The following CLK3 variants were observed in gnomAD, a reference collection of about 807,000 sequenced individuals.
The protein encoded by CLK3 is dual specificity protein kinase CLK3.
Under a neutral mutation model 65.2 loss-of-function variants are expected in CLK3, and 24 were observed. The observed-to-expected ratio is 0.37, with a 90% CI of 0.27 to 0.52. The LOEUF (loss-of-function observed/expected upper bound fraction) is 0.52. Among genes scored for constraint, CLK3 ranks in the 20% least tolerant of loss-of-function variants. CLK3 has a pLI of 0.92. For synonymous variants in CLK3, 252 were observed against 240.8 expected (o/e 1.05, Z -0.43); for missense variants, 506 against 660.0 (o/e 0.77, Z 2.56).
intron 1 of CLK3, among the ~76,000 whole-genome samples, chr15:74,618,364 G>A (rs1463969681): frequency 1.3e-5 from 2 of 152,156 alleles, no homozygotes; most frequent in Non-Finnish European, 2.9e-5. Context: ...TCTTTTACCT[G>A]CCAGATGGCT....
Position 74,628,006 on chromosome 15 carries a change from T to C in CLK3, c.1079T>C (p.Ile360Thr), listed in dbSNP as rs1469988789. 2 of 1,613,980 alleles carry C rather than the reference T, an allele frequency of 1.2e-6. No individual in the cohort carries two copies. Among genetic ancestry groups the C allele is most frequent in the African/African-American group, 1.3e-5 (1 of 75,044 alleles). Residue 360 changes from isoleucine to threonine, a missense_variant, in exon 10 of 13, where the codon ATT becomes ACT. Physicochemically the swap from Ile to Thr is moderately conservative, Grantham distance 89 (BLOSUM62 -1). Around this residue, in one of 2 missense-constraint regions of CLK3, gnomAD observed 325 missense variants for 500.5 expected, o/e 0.65. Coordinates refer to ENST00000395066, the MANE Select transcript of CLK3 (RefSeq NM_001130028.2). ...GCACAGCCCTGTGACGTCTGGAGCATTGGCTGCATTCTCTTTGAGTACTAC... is the reference window on the plus strand; with the variant it reads ...GCACAGCCCTGTGACGTCTGGAGCACTGGCTGCATTCTCTTTGAGTACTAC... ...GWAQPCDVWS[I>T]GCILFEYYRG...
At chr15:74,628,724 CTT>C in intron 11 of CLK3, 41 bp downstream of exon 11, 1 of 1,513,780 alleles carries the variant, frequency 6.6e-7, no homozygotes, top group East Asian at 2.3e-5. Flanking sequence ...GTATAGAGGC[CTT>C]TCTCTTCTTG....
In CLK3 at chr15:74,624,837, G is replaced by A. The variant is rs149154451; in HGVS notation, c.534-65G>A. 868 of 1,197,956 alleles carry A rather than the reference G, an allele frequency of 7.2e-4. 8 individuals carry two copies. In the African/African-American group the frequency reaches 0.011, roughly 15 times the overall value. The allele number at this position is 1,197,956 out of a possible 1,614,324, so 74.2% of individuals were successfully genotyped here. ...GTTTGTTGGGAGTTGCTGGGTTGGG[G>A]TGGAGGGTTGGGGAAGGACTGGGCA... On this transcript the variant is annotated intron_variant, in intron 5 of 12. Transcript: ENST00000395066. This position sits in a 1 kb window ranked among gnomAD's most constrained non-coding sequence, Gnocchi z 4.2.
Position 74,629,905 on chromosome 15 carries a change from G to A in CLK3, c.*22G>A, listed in dbSNP as rs1379112707. Reference sequence around the variant, plus strand: ...ATGACAGGCACAGGCCACCGCATGAGGAGATGGAGGGCGGGACTGGGCCGC... The same window carrying A: ...ATGACAGGCACAGGCCACCGCATGAAGAGATGGAGGGCGGGACTGGGCCGC... On this transcript the variant is annotated 3_prime_UTR_variant, in exon 13 of 13. Transcript: ENST00000395066. 5 of 1,593,354 alleles carry A rather than the reference G, an allele frequency of 3.1e-6. No individual in the cohort carries two copies. Among genetic ancestry groups the A allele is most frequent in the Non-Finnish European group, 4.3e-6 (5 of 1,170,110 alleles).
At chr15:74,628,857 T>C (rs1395786417) in intron 11 of CLK3, 85 bp from the exon 12 acceptor site, 4 of 1,102,324 alleles carry the variant, frequency 3.6e-6, no homozygotes, top group Non-Finnish European at 4.1e-6. Context: ...TCTGCTGCTG[T>C]CTTGGGAGCT....
rs772882107 is a variant in CLK3, at chr15:74,624,951, C to T, written c.583C>T (p.Arg195Trp). 1.9e-6 allele frequency: 3 copies of T among 1,612,296 alleles called. No homozygotes were observed. Among genetic ancestry groups the T allele is most frequent in the South Asian group, 1.1e-5 (1 of 90,644 alleles). Residue 195 changes from arginine (R) to tryptophan (W), a missense_variant, in exon 6 of 13, where the codon CGG becomes TGG. Physicochemically the swap from Arg to Trp is moderately radical, Grantham distance 101. Transcript: ENST00000395066. This position sits in a 1 kb window ranked among gnomAD's most constrained non-coding sequence, Gnocchi z 4.2. ...LKIIRNVGKY[R>W]EAARLEINVL... is the part of the protein sequence containing the mutation. The stretch of plus-strand genomic sequence containing the variant: ...GATCATCCGCAACGTGGGCAAGTAC[C>T]GGGAGGCTGCCCGGCTAGAAATCAA...
At chr15:74,615,779 CT>C (rs2062050837), upstream of CLK3, 2 of 1,243,274 alleles carry the variant, frequency 1.6e-6, no homozygotes, top group African/African-American at 3.1e-5. Flanking sequence ...CGAGCCGAGG[CT>C]GGCGACGGCT....
At position 74,624,546 on chromosome 15, in the gene CLK3, T is replaced by TCCTTAAAAA; in HGVS notation, c.534-356_534-355insCCTTAAAAA. On this transcript the variant is annotated intron_variant, in intron 5 of 12. Coordinates refer to ENST00000395066, the MANE Select transcript of CLK3 (RefSeq NM_001130028.2). This position sits in a 1 kb window ranked among gnomAD's most constrained non-coding sequence, Gnocchi z 4.2. ...CTCGGTGGGACAGCCTGGCCAGGGT[T>TCCTTAAAAA]GGGGCTGCCTGGCCTATAGGTTAGG... The TCCTTAAAAA allele has an allele frequency of 9.8e-6, 2 of 203,948 alleles. No homozygotes were observed. The highest frequency in any genetic ancestry group is 6.0e-5 in the Admixed American group (1 of 16,792). The allele number at this position is 203,948 out of a possible 1,614,324, so 12.6% of individuals were successfully genotyped here.
chr15:74,625,794 TC>T lies in CLK3; in HGVS notation c.651-6del. 6.2e-7 allele frequency: 1 copy of T among 1,614,050 alleles called. No individual in the cohort carries two copies. On this transcript the variant is annotated splice_region_variant and splice_polypyrimidine_tract_variant and intron_variant, in intron 6 of 12. Coordinates refer to ENST00000395066, the MANE Select transcript of CLK3 (RefSeq NM_001130028.2). ...ACAGCCTGAGCCCTGCCCATCCTCC[TC>T]CTCCAGCCTGTGTGTCTTGATGTCT...
intron 1 of CLK3, 182 bp from the exon 2 acceptor site, chr15:74,619,015 T>G (rs1256121122): frequency 1.5e-6 from 1 of 656,018 alleles, no homozygotes; most frequent in African/African-American, 1.8e-5. Context: ...AGTTGTTTCC[T>G]ATTGTCTGCT....
chr15:74,625,451 G>C (rs1179267414), intron 6 of CLK3, among the ~76,000 whole-genome samples: 3 of 152,174 alleles, frequency 2.0e-5, no homozygotes, highest in Non-Finnish European at 4.4e-5. Context: ...GAGAAAAGCA[G>C]CACCAGTCCT....
In CLK3 at chr15:74,624,640, G is replaced by A. The variant is rs2062129719; in HGVS notation, c.534-262G>A. 3.7e-6 allele frequency: 2 copies of A among 538,028 alleles called. No homozygotes were observed. Among genetic ancestry groups the A allele is most frequent in the East Asian group, 3.1e-5 (1 of 32,408 alleles). The allele number at this position is 538,028 out of a possible 1,614,324, so 33.3% of individuals were successfully genotyped here. On this transcript the variant is annotated intron_variant, in intron 5 of 12. Coordinates refer to ENST00000395066, the MANE Select transcript of CLK3 (RefSeq NM_001130028.2). The surrounding 1 kb of genome is among the most constrained non-coding windows in gnomAD (Gnocchi z 4.2). ...GCCTCTACTCTCCCACACTCCTTTG[G>A]GAGCTGGCAGTGGCTGAGAACATAA...
At position 74,624,129 on chromosome 15, in the gene CLK3, C is replaced by T. The variant is rs796860142; in HGVS notation, c.534-773C>T. Reference sequence around the variant, plus strand: ...ACGCCCTTCCAGGCTAGGACTGTCTCGTTCCCCACTGGGCATCTGAATTCT... The same window carrying T: ...ACGCCCTTCCAGGCTAGGACTGTCTTGTTCCCCACTGGGCATCTGAATTCT... On this transcript the variant is annotated intron_variant, in intron 5 of 12. Transcript: ENST00000395066. The surrounding 1 kb of genome is among the most constrained non-coding windows in gnomAD (Gnocchi z 4.2). 11 of 152,384 alleles carry T rather than the reference C, an allele frequency of 7.2e-5. No individual in the cohort carries two copies. Among genetic ancestry groups the T allele is most frequent in the African/African-American group, 2.4e-4 (10 of 41,572 alleles). 9.4% of individuals were successfully genotyped at this position (152,384 alleles called of 1,614,324 possible). A position where few individuals can be genotyped will look rare whatever the true frequency, so the allele number is the denominator to read the frequency against.
At position 74,624,583 on chromosome 15, in the gene CLK3, G is replaced by C; in HGVS notation, c.534-319G>C. On this transcript the variant is annotated intron_variant, in intron 5 of 12. Transcript: ENST00000395066. This position sits in a 1 kb window ranked among gnomAD's most constrained non-coding sequence, Gnocchi z 4.2. ...GCCTATAGGTTAGGTCACTGTGTGA[G>C]CTCTTGGACTGGCACTGGTTAAGCA... is the stretch of plus-strand genomic sequence containing the variant. 2 of 370,218 alleles carry C rather than the reference G, an allele frequency of 5.4e-6. No individual in the cohort carries two copies. The highest frequency in any genetic ancestry group is 1.0e-5 in the Non-Finnish European group (2 of 196,906). 22.9% of individuals were successfully genotyped at this position (370,218 alleles called of 1,614,324 possible). A position where few individuals can be genotyped will look rare whatever the true frequency, so the allele number is the denominator to read the frequency against.
Position 74,630,135 on chromosome 15 carries a change from G to A in CLK3, c.*252G>A, listed in dbSNP as rs1167878439. On this transcript the variant is annotated 3_prime_UTR_variant, in exon 13 of 13. Coordinates refer to ENST00000395066, the MANE Select transcript of CLK3 (RefSeq NM_001130028.2). Reference sequence around the variant, plus strand: ...TGTTTGTAACCCCTGGTACCAGTGTGTCCATCTCCAGGCTCCTTGCCTTCC... The same window carrying A: ...TGTTTGTAACCCCTGGTACCAGTGTATCCATCTCCAGGCTCCTTGCCTTCC... 1 of 437,148 alleles carries A rather than the reference G, an allele frequency of 2.3e-6. No homozygotes were observed. The highest frequency in any genetic ancestry group is 2.0e-5 in the African/African-American group (1 of 51,082). 27.1% of individuals were successfully genotyped at this position (437,148 alleles called of 1,614,324 possible). A position where few individuals can be genotyped will look rare whatever the true frequency, so the allele number is the denominator to read the frequency against.
In CLK3 at chr15:74,630,188, T is replaced by G. The variant is rs908865224; in HGVS notation, c.*305T>G. The G allele has an allele frequency of 6.7e-6, 2 of 298,096 alleles. No individual in the cohort carries two copies. The highest frequency in any genetic ancestry group is 2.1e-5 in the African/African-American group (1 of 47,346). The allele number at this position is 298,096 out of a possible 1,614,324, so 18.5% of individuals were successfully genotyped here. A position where few individuals can be genotyped will look rare whatever the true frequency, so the allele number is the denominator to read the frequency against. On this transcript the variant is annotated 3_prime_UTR_variant, in exon 13 of 13. Transcript: ENST00000395066. Reference sequence around the variant, plus strand: ...TTACCTGACCTTATTAATAAAGTCTTTCTTAGCAGTTCAGCTTGTGGAGAG... The same window carrying G: ...TTACCTGACCTTATTAATAAAGTCTGTCTTAGCAGTTCAGCTTGTGGAGAG...
At position 74,629,945 on chromosome 15, in the gene CLK3, C is replaced by A. The variant is rs2062180257; in HGVS notation, c.*62C>A. ...GACTGGGCCGCCCAGCCCCTTGACT[C>A]CAGCCTCGACCGCCAGGCCCCAGGC... On this transcript the variant is annotated 3_prime_UTR_variant, in exon 13 of 13. Coordinates refer to ENST00000395066, the MANE Select transcript of CLK3 (RefSeq NM_001130028.2). The A allele has an allele frequency of 1.1e-5, 16 of 1,484,366 alleles. No homozygotes were observed. Among genetic ancestry groups the A allele is most frequent in the Non-Finnish European group, 1.5e-5 (16 of 1,096,284 alleles). The allele number at this position is 1,484,366 out of a possible 1,614,324, so 91.9% of individuals were successfully genotyped here. A position where few individuals can be genotyped will look rare whatever the true frequency, so the allele number is the denominator to read the frequency against.
chr15:74,610,387 G>T (rs2061973151), intron 1 of CLK3, among the ~76,000 whole-genome samples: 1 of 152,204 alleles, frequency 6.6e-6, no homozygotes, highest in Non-Finnish European at 1.5e-5. Flanking sequence ...CTCCAGGCAG[G>T]CCAGGGAGCA....
Position 74,622,161 on chromosome 15 carries a change from A to C in CLK3, c.411A>C (p.Glu137Asp). The change falls in exon 4 of 13, where the codon GAA becomes GAC. Residue 137 changes from glutamate to aspartate, a missense_variant. By Grantham distance (45) the Glu-to-Asp change is conservative. Transcript: ENST00000395066. The surrounding 1 kb of genome is among the most constrained non-coding windows in gnomAD (Gnocchi z 4.6). ...QSSKRSSRSVEDDKEGHLVCR... is the reference protein window; with the variant it reads ...QSSKRSSRSVDDDKEGHLVCR... ...GTAAGCGCAGCAGCCGGAGTGTGGA[A>C]GATGACAAGGAGGGTCACCTGGTGT... 2 of 1,614,176 alleles carry C rather than the reference A, an allele frequency of 1.2e-6. No homozygotes were observed. Among genetic ancestry groups the C allele is most frequent in the Non-Finnish European group, 1.7e-6 (2 of 1,180,012 alleles).
Sources: allele counts gnomAD v4.1 joint callset (sites outside exome capture counted in the v4.1 genomes callset), GRCh38; gene constraint gnomAD v4.1.1; regional missense constraint gnomAD v4.1.1; non-coding constraint Gnocchi (gnomAD v3.1); transcripts MANE v1.5; gene names NCBI Gene and HGNC (gene_info 2026-07-23, HGNC 2026-07-21).